Variants in BLOC1S3 observed in about 807,000 individuals in gnomAD.
The protein encoded by BLOC1S3 is biogenesis of lysosome-related organelles complex 1 subunit 3.
In BLOC1S3, 7 loss-of-function variants were observed where a neutral mutation model predicts 9.1. The ratio of observed to expected loss-of-function variants is 0.77; its 90% CI spans 0.44 to 1.45. The LOEUF (loss-of-function observed/expected upper bound fraction) is 1.45. BLOC1S3 is among the 40% of genes most tolerant of loss of function. The probability of loss-of-function intolerance (pLI) is 0.01; values close to 1 mark genes in which losing one functional copy is unlikely to be tolerated. For missense variants in BLOC1S3, 307 were observed against 315.2 expected, an observed-to-expected ratio of 0.97 and a Z score of 0.20; for synonymous variants, 145 against 158.4, an observed-to-expected ratio of 0.92 and a Z score of 0.64.
intron 3 of BLOC1S3, chr19:45,213,185 G>A (rs1329264277): frequency 6.2e-7 from 1 of 1,606,350 alleles, no homozygotes; most frequent in African/African-American, 1.3e-5. Flanking sequence ...GGGAGGCTGA[G>A]ACAGAAAGAT....
rs1324343744 is a variant in BLOC1S3, at chr19:45,180,871, C to T, written c.*966C>T. 1 of 159,272 alleles carries T rather than the reference C, an allele frequency of 6.3e-6. No homozygotes were observed. The highest frequency in any genetic ancestry group is 1.5e-5 in the Non-Finnish European group (1 of 68,238). The allele number at this position is 159,272 out of a possible 1,614,324, so 9.9% of individuals were successfully genotyped here. On this transcript the variant is annotated 3_prime_UTR_variant, in exon 2 of 2. Transcript: ENST00000433642. ...CCTCCCGAGTAGCTAGGATTACAGG[C>T]ATGCACCACCACGCCTGGCTACTTT...
chr19:45,209,488 C>G (rs1371689895), intron 3 of BLOC1S3, among the ~76,000 whole-genome samples: 1 of 152,136 alleles, frequency 6.6e-6, no homozygotes, highest in Non-Finnish European at 1.5e-5. Flanking sequence ...GTAATGCAAT[C>G]TCGGCTCACT....
chr19:45,201,340 G>C (rs1389832176), intron 2 of BLOC1S3, among the ~76,000 whole-genome samples: 1 of 152,074 alleles, frequency 6.6e-6, no homozygotes, highest in African/African-American at 2.4e-5. Context: ...CTCTATCTCT[G>C]TACGGAGCTG....
rs1387048447 is a variant in BLOC1S3, at chr19:45,202,006, G to A, written n.181-400G>A. On this transcript the variant is annotated intron_variant and non_coding_transcript_variant, in intron 2 of 3. Coordinates refer to the BLOC1S3 transcript ENST00000591569. ...TGGGAGGCCGAGGCGGGTGGATCAT[G>A]AGGTCAGGAGATCGAGACCATCCTG... is the stretch of plus-strand genomic sequence containing the variant. Among the ~76,000 whole-genome samples, 4 of 151,928 alleles carry A rather than the reference G, an allele frequency of 2.6e-5. No individual in the cohort carries two copies. The East Asian group carries it at 7.7e-4, about 29-fold the overall frequency.
rs1332537420 is a variant in BLOC1S3 at position 45,181,696 on chromosome 19, A to G, written c.*1791A>G. 6.0e-6 allele frequency: 1 copy of G among 167,072 alleles called. No homozygotes were observed. The highest frequency in any genetic ancestry group is 1.5e-5 in the Non-Finnish European group (1 of 68,154). The allele number at this position is 167,072 out of a possible 1,614,324, so 10.3% of individuals were successfully genotyped here. A position where few individuals can be genotyped will look rare whatever the true frequency, so the allele number is the denominator to read the frequency against. On this transcript the variant is annotated 3_prime_UTR_variant, in exon 2 of 2. Coordinates refer to ENST00000433642, the MANE Select transcript of BLOC1S3 (RefSeq NM_212550.5). ...ATATTTACTCTCCTCTCCCAGCCTG[A>G]TATCCCTGTCCCTCATCTCAACCCG...
At chr19:45,194,288 T>C (rs1969631436) in intron 2 of BLOC1S3, among the ~76,000 whole-genome samples, 1 of 151,126 alleles carries the variant, frequency 6.6e-6, no homozygotes, top group Admixed American at 6.6e-5. Context: ...AATTTTTGTA[T>C]TTTTAGTAGA....
At chr19:45,194,719 G>A (rs1400197907) in intron 2 of BLOC1S3, among the ~76,000 whole-genome samples, 3 of 152,198 alleles carry the variant, frequency 2.0e-5, no homozygotes, top group Admixed American at 6.6e-5. Context: ...AGCACATACC[G>A]TATGATTCCA....
downstream of BLOC1S3, among the ~76,000 whole-genome samples, chr19:45,184,769 G>A (rs1969553234): frequency 1.3e-5 from 2 of 151,758 alleles, no homozygotes; most frequent in South Asian, 2.1e-4. Context: ...GCACGGTGGC[G>A]GGCACTTGTG....
downstream of BLOC1S3, among the ~76,000 whole-genome samples, chr19:45,185,706 C>T (rs1486133263): frequency 6.6e-6 from 1 of 151,708 alleles, no homozygotes; most frequent in African/African-American, 2.4e-5. Context: ...CAGTCAAGAG[C>T]CAGGCCACAC....
intron 2 of BLOC1S3, among the ~76,000 whole-genome samples, chr19:45,200,365 G>C (rs1969681552): frequency 6.6e-6 from 1 of 151,854 alleles, no homozygotes; most frequent in Non-Finnish European, 1.5e-5. Context: ...TGTATTTTTA[G>C]TAGAGATGGG....
chr19:45,202,616 C>T (rs904955111), intron 3 of BLOC1S3: 1 of 152,234 alleles, frequency 6.6e-6, no homozygotes, highest in African/African-American at 2.4e-5. Flanking sequence ...TTGGGGATGC[C>T]AGCAGCTGCT....
chr19:45,199,846 A>G (rs1237843241), intron 2 of BLOC1S3, among the ~76,000 whole-genome samples: 1 of 149,434 alleles, frequency 6.7e-6, no homozygotes, highest in African/African-American at 2.5e-5. Flanking sequence ...GCTCACTACA[A>G]CCTCCACTTC....
intron 2 of BLOC1S3, chr19:45,198,905 C>T (rs1969669282): frequency 1.3e-5 from 2 of 152,050 alleles, no homozygotes; most frequent in African/African-American, 4.8e-5. Context: ...CGGGATTTCA[C>T]CATGTTGCCC....
chr19:45,212,718 A>G (rs3803906), intron 3 of BLOC1S3: 48,877 of 182,324 alleles, frequency 0.27, 8,227 homozygotes, highest in Middle Eastern at 0.48. Flanking sequence ...CCTCAGCCTC[A>G]CCAGTAGCTG....
downstream of BLOC1S3, among the ~76,000 whole-genome samples, chr19:45,183,628 T>C (rs541999853): frequency 3.7e-3 from 492 of 133,286 alleles, 3 homozygotes; most frequent in South Asian, 9.6e-3. Context: ...CTTTTCTTTT[T>C]TTTTTTTTTT....
chr19:45,197,393 A>G (rs1969656529), intron 2 of BLOC1S3, among the ~76,000 whole-genome samples: 1 of 150,832 alleles, frequency 6.6e-6, no homozygotes, highest in African/African-American at 2.4e-5. Context: ...AGGCTGAGGC[A>G]TGAGAATCAC....
Position 45,193,181 on chromosome 19 carries a change from G to A in BLOC1S3, n.180+5441G>A, listed in dbSNP as rs528389525. The stretch of plus-strand genomic sequence containing the variant: ...AAAAAGAGACTATTTTTGCTACCCC[G>A]TTCAGTGGCTCTTTCAGTGATATGA... On this transcript the variant is annotated intron_variant and non_coding_transcript_variant, in intron 2 of 3. Coordinates refer to the BLOC1S3 transcript ENST00000591569. Among the ~76,000 whole-genome samples, 48 of 140,956 alleles carry A rather than the reference G, an allele frequency of 3.4e-4. No homozygotes were observed. In the South Asian group the frequency reaches 0.01, roughly 31 times the overall value. 92.5% of individuals were successfully genotyped at this position (140,956 alleles called of 152,430 possible).
At chr19:45,202,144 A>G (rs1226571775) in intron 2 of BLOC1S3, among the ~76,000 whole-genome samples, 7 of 146,082 alleles carry the variant, frequency 4.8e-5, no homozygotes, top group East Asian at 4.4e-4. Context: ...CCCGGGAGGC[A>G]GAGCTTGCAG....
chr19:45,211,469 C>T lies in BLOC1S3; in HGVS notation n.283-5207C>T, dbSNP rs184353331. On this transcript the variant is annotated intron_variant and non_coding_transcript_variant, in intron 3 of 3. Transcript: ENST00000591569. ...GAGGTTGCAGTGAGCTGAGATCGCG[C>T]CATTGCACTCTAGCCTGGGCGACAG... Among the ~76,000 whole-genome samples the T allele has an allele frequency of 3.7e-3, 564 of 150,640 alleles. 1 individual carries two copies. The highest frequency in any genetic ancestry group is 0.034 in the Middle Eastern group (10 of 294).
Sources: allele counts gnomAD v4.1 joint callset (sites outside exome capture counted in the v4.1 genomes callset), GRCh38; gene constraint gnomAD v4.1.1; transcripts MANE v1.5; gene names NCBI Gene and HGNC (gene_info 2026-07-23, HGNC 2026-07-21).